Variants in LYPD6 observed in about 807,000 individuals in gnomAD.
LYPD6 encodes ly6/PLAUR domain-containing protein 6.
LYPD6 carries 15 observed loss-of-function variants against 22.7 expected under a neutral mutation model. That is an observed-to-expected ratio of 0.66 (90% CI 0.44 to 1.02). The LOEUF (loss-of-function observed/expected upper bound fraction) is 1.02. Ranked by LOEUF, LYPD6 falls within the 50% of genes least tolerant of loss-of-function variation. The pLI is 0.00. For synonymous variants in LYPD6, 72 were observed against 77.5 expected (o/e 0.93, Z 0.37); for missense variants, 189 against 208.4 (o/e 0.91, Z 0.57).
intron 3 of LYPD6, among the ~76,000 whole-genome samples, chr2:149,463,017 C>A (rs965518994): frequency 6.6e-6 from 1 of 151,864 alleles, no homozygotes; most frequent in Non-Finnish European, 1.5e-5. Context: ...AAGCATGACT[C>A]ATAAAAGAAA....
chr2:149,477,835 C>T (rs1418923187), downstream of LYPD6, among the ~76,000 whole-genome samples: 1 of 152,032 alleles, frequency 6.6e-6, no homozygotes, highest in African/African-American at 2.4e-5. Flanking sequence ...GAGAAGGTGT[C>T]AGGCTAGTGA....
At chr2:149,484,371 A>G in the LYPD6 span, among the ~76,000 whole-genome samples, 1 of 152,190 alleles carries the variant, frequency 6.6e-6, no homozygotes, top group Non-Finnish European at 1.5e-5. Context: ...AATTTTACAC[A>G]GGAATTGTCA....
At chr2:149,477,092 A>T (rs1681459487), downstream of LYPD6, among the ~76,000 whole-genome samples, 1 of 152,216 alleles carries the variant, frequency 6.6e-6, no homozygotes, top group Admixed American at 6.5e-5. Context: ...GGCACATGTC[A>T]GCACTGGGTT....
At chr2:149,436,577 C>CAAAAAA (rs1430863146) in intron 1 of LYPD6, among the ~76,000 whole-genome samples, 1 of 152,038 alleles carries the variant, frequency 6.6e-6, no homozygotes, top group Non-Finnish European at 1.5e-5. Flanking sequence ...ACAATCTTAT[C>CAAAAAA]AGTTTGGTTT....
chr2:149,444,664 T>G (rs1374875298), intron 2 of LYPD6, among the ~76,000 whole-genome samples: 2 of 152,184 alleles, frequency 1.3e-5, no homozygotes, highest in East Asian at 3.9e-4. Flanking sequence ...CTTTTTTTTT[T>G]GCTCGTTCAT....
chr2:149,460,947 A>G (rs972385315), intron 3 of LYPD6, among the ~76,000 whole-genome samples: 8 of 152,128 alleles, frequency 5.3e-5, no homozygotes, highest in Non-Finnish European at 1.0e-4. Context: ...AAATTAAAAC[A>G]TATGAAAATT....
At chr2:149,405,306 A>G (rs1213730008) in intron 1 of LYPD6, among the ~76,000 whole-genome samples, 4 of 152,070 alleles carry the variant, frequency 2.6e-5, no homozygotes, top group East Asian at 3.9e-4. Flanking sequence ...TTCAGAAGCA[A>G]TGGTACCAGT....
At chr2:149,400,759 C>T (rs1573773307) in intron 1 of LYPD6, among the ~76,000 whole-genome samples, 1 of 152,158 alleles carries the variant, frequency 6.6e-6, no homozygotes, top group African/African-American at 2.4e-5. Context: ...AACTTGGGGC[C>T]TTCTCCAGCA....
intron 1 of LYPD6, among the ~76,000 whole-genome samples, chr2:149,400,212 G>A (rs1386001773): frequency 6.6e-6 from 1 of 152,200 alleles, no homozygotes; most frequent in East Asian, 1.9e-4. Flanking sequence ...CACTGTCTGA[G>A]CACTTCTTGC....
At chr2:149,358,909 G>A (rs961685356) in intron 1 of LYPD6, among the ~76,000 whole-genome samples, 1 of 152,096 alleles carries the variant, frequency 6.6e-6, no homozygotes, top group Non-Finnish European at 1.5e-5. Context: ...ATTGCTATGG[G>A]CAGTGGAAAC....
chr2:149,379,109 T>C (rs540380503), intron 1 of LYPD6, among the ~76,000 whole-genome samples: 1 of 152,292 alleles, frequency 6.6e-6, no homozygotes, highest in Admixed American at 6.5e-5. Context: ...AACCAAAGTT[T>C]GTGTTGGTTC....
chr2:149,334,990 T>A (rs1449576239), intron 1 of LYPD6, among the ~76,000 whole-genome samples: 1 of 151,666 alleles, frequency 6.6e-6, no homozygotes, highest in Admixed American at 6.6e-5. Context: ...TAAACACACT[T>A]ACTGTGTTAC....
At chr2:149,429,485 T>C (rs2105141697) in intron 1 of LYPD6, among the ~76,000 whole-genome samples, 1 of 152,338 alleles carries the variant, frequency 6.6e-6, no homozygotes, top group Admixed American at 6.5e-5. Flanking sequence ...ACAGCCTATT[T>C]GATTGGGATT....
At chr2:149,485,055 T>G in the LYPD6 span, among the ~76,000 whole-genome samples, 3 of 152,194 alleles carry the variant, frequency 2.0e-5, no homozygotes, top group African/African-American at 7.2e-5. Context: ...TGCCTGATAT[T>G]AAACCTTCCA....
rs563409939 is a variant in LYPD6 at position 149,391,369 on chromosome 2, TC to T, written c.-71-46262del. On this transcript the variant is annotated intron_variant, in intron 1 of 4. Transcript: ENST00000334166. ...TTTTTCTTATTCCAACTCCCTTTTT[TC>T]CCCCCCGATAATGGAGAAAACTTCT... 1.2e-3 allele frequency among the ~76,000 whole-genome samples: 181 copies of T among 151,742 alleles called. 1 individual carries two copies. The highest frequency in any genetic ancestry group is 4.0e-3 in the African/African-American group (166 of 41,374).
intron 1 of LYPD6, among the ~76,000 whole-genome samples, chr2:149,398,004 A>C (rs1682462726): frequency 1.3e-5 from 2 of 152,240 alleles, no homozygotes; most frequent in African/African-American, 4.8e-5. Context: ...ATTAAGAAAA[A>C]AAACAACTAA....
At chr2:149,372,324 G>A (rs1325053332) in intron 1 of LYPD6, among the ~76,000 whole-genome samples, 1 of 152,114 alleles carries the variant, frequency 6.6e-6, no homozygotes, top group African/African-American at 2.4e-5. Context: ...CTTTGCTTAT[G>A]CTATTGTACT....
chr2:149,363,864 A>G (rs1681613605), intron 1 of LYPD6, among the ~76,000 whole-genome samples: 1 of 152,146 alleles, frequency 6.6e-6, no homozygotes, highest in Non-Finnish European at 1.5e-5. Context: ...GCTTAATAAT[A>G]TTTGGTAAAT....
At chr2:149,388,762 A>G (rs1682244003) in intron 1 of LYPD6, among the ~76,000 whole-genome samples, 1 of 152,174 alleles carries the variant, frequency 6.6e-6, no homozygotes, top group African/African-American at 2.4e-5. Flanking sequence ...TGGAGTTGGA[A>G]TATCTTTTCC....
Sources: allele counts gnomAD v4.1 joint callset (sites outside exome capture counted in the v4.1 genomes callset), GRCh38; gene constraint gnomAD v4.1.1; transcripts MANE v1.5; gene names NCBI Gene and HGNC (gene_info 2026-07-23, HGNC 2026-07-21).